Variants in NACA observed in about 807,000 individuals in gnomAD.
NACA encodes the protein nascent polypeptide-associated complex subunit alpha.
Under a neutral mutation model 86.4 loss-of-function variants are expected in NACA, and 42 were observed. That is an observed-to-expected ratio of 0.49 (90% CI 0.38 to 0.63). The LOEUF is 0.63. Among genes scored for constraint, NACA ranks in the 20% least tolerant of loss-of-function variants. The pLI is 0.00. For missense variants in NACA, 2,157 were observed against 2,483.6 expected (o/e 0.87, Z 2.80); for synonymous variants, 898 against 973.7 (o/e 0.92, Z 1.45).
chr12:56,723,553 T>C (rs1274789703), intron 2 of NACA, among the ~76,000 whole-genome samples: 1 of 152,180 alleles, frequency 6.6e-6, no homozygotes, highest in Non-Finnish European at 1.5e-5. Context: ...GCTGTATTAA[T>C]CCCTTCAGCT....
chr12:56,720,535 G>A lies in NACA; in HGVS notation c.995C>T (p.Ser332Leu), dbSNP rs1953542843. Residue 332 changes from serine to leucine, a missense_variant, in exon 3 of 9, where the codon TCA becomes TTA. Physicochemically the swap from Ser to Leu is moderately radical, Grantham distance 145. Transcript: ENST00000454682. ...LLGQTGPSAL[S>L]DPTVKTISVD... is the part of the protein sequence containing the mutation. ...AGAAATGGTCTTCACTGTAGGGTCTGACAAAGCACTAGGACCTGTTTGACC... is the reference window on the plus strand; with the variant it reads ...AGAAATGGTCTTCACTGTAGGGTCTAACAAAGCACTAGGACCTGTTTGACC... The A allele has an allele frequency of 6.2e-7, 1 of 1,613,916 alleles. No individual in the cohort carries two copies. The highest frequency in any genetic ancestry group is 1.1e-5 in the South Asian group (1 of 91,078).
At chr12:56,723,009 T>C (rs142966502) in intron 2 of NACA, among the ~76,000 whole-genome samples, 3 of 152,350 alleles carry the variant, frequency 2.0e-5, no homozygotes, top group Non-Finnish European at 4.4e-5. Flanking sequence ...TAGTTTTTCC[T>C]GGAGAGTGGG....
Position 56,721,297 on chromosome 12 carries a change from A to G in NACA, c.233T>C (p.Leu78Ser). 1 of 1,612,814 alleles carries G rather than the reference A, an allele frequency of 6.2e-7. No individual in the cohort carries two copies. ...PSPSTIASTP[L>S]EVPFPQSSSG... ...GGATGACTGGGGAAAAGGAACTTCT[A>G]AAGGGGTCGAGGCAATAGTAGAGGG... Residue 78 changes from leucine (L) to serine (S), a missense_variant, in exon 3 of 9, where the codon TTA becomes TCA. Physicochemically the swap from Leu to Ser is moderately radical, Grantham distance 145 (BLOSUM62 -2). Around this residue, in one of 8 missense-constraint regions of NACA, gnomAD observed 947 missense variants for 917.9 expected, o/e 1.03. Coordinates refer to ENST00000454682, the MANE Select transcript of NACA (RefSeq NM_001365896.1).
chr12:56,719,352 C>T lies in NACA; in HGVS notation c.2178G>A (p.Leu726=), dbSNP rs1424631137. Residue 726 remains leucine, a synonymous_variant, in exon 3 of 9, where the codon CTG becomes CTA. Transcript: ENST00000454682. ...NTCAPLATLV[L]APEIPKSVPS... is the part of the protein sequence containing the mutation. ...GCACAGACTTTGGGATTTCAGGGGCCAGCACTAAGGTAGCCAGAGGAGCAC... is the reference window on the plus strand; with the variant it reads ...GCACAGACTTTGGGATTTCAGGGGCTAGCACTAAGGTAGCCAGAGGAGCAC... The T allele has an allele frequency of 1.2e-6, 2 of 1,609,118 alleles. No individual in the cohort carries two copies. The highest frequency in any genetic ancestry group is 3.4e-5 in the Admixed American group (2 of 59,636).
At chr12:56,714,861 T>G (rs989383719) in intron 3 of NACA, 174 bp from the exon 4 acceptor site, 2 of 618,780 alleles carry the variant, frequency 3.2e-6, no homozygotes, top group Non-Finnish European at 5.7e-6. Flanking sequence ...AGTCACTAAC[T>G]AGCGGGTACA....
Position 56,719,305 on chromosome 12 carries a change from G to A in NACA, c.2225C>T (p.Ala742Val), listed in dbSNP as rs1001192430. ...CTTTTTTGTACCTGGAGGAGTCCCA[G>A]CTGGGGGAAGAGAGGGTGAGGGCAC... The part of the protein sequence containing the change: ...KSVPSPSLPP[A>V]GTPPGTKKVD... The change falls in exon 3 of 9, where the codon GCT becomes GTT. Residue 742 changes from alanine to valine, a missense_variant. Transcript: ENST00000454682. The A allele has an allele frequency of 1.2e-6, 2 of 1,600,730 alleles. No individual in the cohort carries two copies. The highest frequency in any genetic ancestry group is 1.7e-6 in the Non-Finnish European group (2 of 1,171,924).
At position 56,718,751 on chromosome 12, in the gene NACA, G is replaced by A. The variant is rs922620308; in HGVS notation, c.2779C>T (p.Pro927Ser). The A allele has an allele frequency of 2.1e-5, 30 of 1,444,858 alleles. No homozygotes were observed. The highest frequency in any genetic ancestry group is 2.8e-5 in the African/African-American group (2 of 71,200). The allele number at this position is 1,444,858 out of a possible 1,614,324, so 89.5% of individuals were successfully genotyped here. Reference sequence around the variant, plus strand: ...GATGGGGAAGCTGGGATTCCTTTAGGGGCTGGAGTTGCTCGGGCCTTTTTG... The same window carrying A: ...GATGGGGAAGCTGGGATTCCTTTAGAGGCTGGAGTTGCTCGGGCCTTTTTG... ...SPKKARATPAPKGIPASPSPK... is the reference protein window; with the variant it reads ...SPKKARATPASKGIPASPSPK... The change falls in exon 3 of 9, where the codon CCT becomes TCT. Residue 927 changes from proline (P) to serine (S), a missense_variant. Physicochemically the swap from Pro to Ser is moderately conservative, Grantham distance 74. Around this residue, in one of 8 missense-constraint regions of NACA, gnomAD observed 174 missense variants for 217.0 expected, o/e 0.80. Transcript: ENST00000454682.
intron 1 of NACA, chr12:56,724,866 T>C: frequency 3.8e-6 from 1 of 263,208 alleles, no homozygotes; most frequent in Non-Finnish European, 7.3e-6. Context: ...TTTGCCGACT[T>C]TGGGGTACCA....
rs61741738 is a variant in NACA at position 56,713,122 on chromosome 12, G to A, written c.6039C>T (p.Val2013=). 6.2e-7 allele frequency: 1 copy of A among 1,613,994 alleles called. No homozygotes were observed. Among genetic ancestry groups the A allele is most frequent in the African/African-American group, 1.3e-5 (1 of 75,044 alleles). ...TCTGTGTGTTTTCTTGAATGTTTGA[G>A]ACAGCTTCACCTTGAACTTTGAATT... ...AEKFKVQGEA[V]SNIQENTQTP... is the part of the protein sequence containing the mutation. Residue 2013 remains valine, a synonymous_variant, in exon 7 of 9, where the codon GTC becomes GTT. Coordinates refer to ENST00000454682, the MANE Select transcript of NACA (RefSeq NM_001365896.1).
Position 56,719,904 on chromosome 12 carries a change from G to T in NACA, c.1626C>A (p.Ala542=). ...GTCCTGCTTGGGCTGGAGAGAAAGG[G>T]GCTCCTTCAAGAGAGGCAGGTACAG... ...LQTVPASLEG[A]PFSPAQAGLT... Residue 542 remains alanine (A), a synonymous_variant, in exon 3 of 9, where the codon GCC becomes GCA. Transcript: ENST00000454682. 1 of 1,613,834 alleles carries T rather than the reference G, an allele frequency of 6.2e-7. No homozygotes were observed. The highest frequency in any genetic ancestry group is 8.5e-7 in the Non-Finnish European group (1 of 1,179,856).
In NACA at chr12:56,721,321, G is replaced by C. The variant is rs757716622; in HGVS notation, c.209C>G (p.Pro70Arg). The change falls in exon 3 of 9, where the codon CCC (proline) becomes CGC (arginine). Residue 70 changes from proline to arginine, a missense_variant. Pro to Arg is a moderately radical substitution (Grantham distance 103). Coordinates refer to ENST00000454682, the MANE Select transcript of NACA (RefSeq NM_001365896.1). ...TAAAGGGGTCGAGGCAATAGTAGAGGGGGAAGGGAATGGGGAAGCCTGGTT... is the reference window on the plus strand; with the variant it reads ...TAAAGGGGTCGAGGCAATAGTAGAGCGGGAAGGGAATGGGGAAGCCTGGTT... ...AANQASPFPS[P>R]STIASTPLEV... 30 of 1,612,134 alleles carry C rather than the reference G, an allele frequency of 1.9e-5. No homozygotes were observed. Among genetic ancestry groups the C allele is most frequent in the Non-Finnish European group, 2.5e-5 (29 of 1,179,098 alleles).
chr12:56,714,365 C>T lies in NACA; in HGVS notation c.5820G>A (p.Arg1940=). The change falls in exon 5 of 9, where the codon CGG becomes CGA. Residue 1940 remains arginine, a synonymous_variant. Coordinates refer to ENST00000454682, the MANE Select transcript of NACA (RefSeq NM_001365896.1). ...AKQSRSEKKA[R]KAMSKLGLRQ... is the part of the protein sequence containing the mutation. Reference sequence around the variant, plus strand: ...TGAAATCCTTTTCAAATCTTACCTTCCGTGCCTTCTTTTCACTCCGACTCT... The same window carrying T: ...TGAAATCCTTTTCAAATCTTACCTTTCGTGCCTTCTTTTCACTCCGACTCT... The T allele has an allele frequency of 6.2e-7, 1 of 1,614,082 alleles. No individual in the cohort carries two copies. Among genetic ancestry groups the T allele is most frequent in the African/African-American group, 1.3e-5 (1 of 75,046 alleles).
At chr12:56,721,533 G>C (rs1380204743) in intron 2 of NACA, 74 bp from the exon 3 acceptor site, 2 of 919,356 alleles carry the variant, frequency 2.2e-6, no homozygotes, top group African/African-American at 3.3e-5. Flanking sequence ...AGCCCAACTT[G>C]GTACAACATG....
At chr12:56,714,761 G>A in intron 3 of NACA, 74 bp from the exon 4 acceptor site, 3 of 1,360,152 alleles carry the variant, frequency 2.2e-6, no homozygotes, top group Non-Finnish European at 2.1e-6. Flanking sequence ...AGCCTGCCCT[G>A]GACTAGAGGT....
intron 2 of NACA, among the ~76,000 whole-genome samples, chr12:56,722,211 C>T (rs779588777): frequency 2.0e-5 from 3 of 152,162 alleles, no homozygotes; most frequent in Non-Finnish European, 4.4e-5. Flanking sequence ...AGAAAACCAA[C>T]CACAAAAGGA....
chr12:56,720,124 G>A lies in NACA; in HGVS notation c.1406C>T (p.Ser469Leu). 6.2e-7 allele frequency: 1 copy of A among 1,613,964 alleles called. No individual in the cohort carries two copies. Among genetic ancestry groups the A allele is most frequent in the Non-Finnish European group, 8.5e-7 (1 of 1,179,868 alleles). The change falls in exon 3 of 9, where the codon TCA becomes TTA. Residue 469 changes from serine (S) to leucine (L), a missense_variant. Coordinates refer to ENST00000454682, the MANE Select transcript of NACA (RefSeq NM_001365896.1). ...TGGTTCTATGTTACTTATGGGACCTGATGACATTGGAGGAGAAACACAAGT... is the reference window on the plus strand; with the variant it reads ...TGGTTCTATGTTACTTATGGGACCTAATGACATTGGAGGAGAAACACAAGT... ...VATCVSPPMS[S>L]GPISNIEPTS... is the part of the protein sequence containing the mutation.
At position 56,713,558 on chromosome 12, in the gene NACA, G is replaced by C; in HGVS notation, c.5949C>G (p.Tyr1983Ter). Residue 1983 changes from tyrosine (Y) to a stop codon, truncating the protein, a stop_gained, in exon 6 of 9, where the codon TAC becomes TAG. Coordinates refer to ENST00000454682, the MANE Select transcript of NACA (RefSeq NM_001365896.1). LOFTEE classifies it high-confidence loss of function. The stretch of plus-strand genomic sequence containing the variant: ...TCACCTTGGCTTCCCCAAAAACTAT[G>C]TAAGTATCTGAAGCAGGGCTCTTGT... ...DVYKSPASDT[Y>*]IVFGEAKIED... The C allele has an allele frequency of 6.2e-7, 1 of 1,613,962 alleles. No homozygotes were observed. Among genetic ancestry groups the C allele is most frequent in the Non-Finnish European group, 8.5e-7 (1 of 1,179,850 alleles).
chr12:56,724,862 G>A (rs1289936043), intron 1 of NACA: 1 of 267,198 alleles, frequency 3.7e-6, no homozygotes, highest in Admixed American at 5.3e-5. Flanking sequence ...TACGTTTGCC[G>A]ACTTTGGGGT....
chr12:56,714,863 G>C lies in NACA; in HGVS notation c.5660-176C>G, dbSNP rs1592310329. The C allele has an allele frequency of 1.1e-5, 7 of 617,642 alleles. No homozygotes were observed. The East Asian group carries it at 1.9e-4, about 17-fold the overall frequency. 38.3% of individuals were successfully genotyped at this position (617,642 alleles called of 1,614,324 possible). On this transcript the variant is annotated intron_variant, in intron 3 of 8. Transcript: ENST00000454682. ...TAGCCCCTAACTTAGTCACTAACTA[G>C]CGGGTACACATCTAGTAAAGACCCA... is the stretch of plus-strand genomic sequence containing the variant.
Sources: allele counts gnomAD v4.1 joint callset (sites outside exome capture counted in the v4.1 genomes callset), GRCh38; gene constraint gnomAD v4.1.1; regional missense constraint gnomAD v4.1.1; transcripts MANE v1.5; gene names NCBI Gene and HGNC (gene_info 2026-07-23, HGNC 2026-07-21).